SBF1: variants seen among roughly 807,000 people sequenced by gnomAD.
The protein encoded by SBF1 is myotubularin-related protein 5.
Under a neutral mutation model 215.8 loss-of-function variants are expected in SBF1, and 65 were observed. That is an observed-to-expected ratio of 0.30 (90% confidence interval 0.25 to 0.37). SBF1 has a LOEUF of 0.37. Ranked by LOEUF, SBF1 falls within the 10% of genes least tolerant of loss-of-function variation. The pLI is 1.00. For missense variants in SBF1, 2,634 were observed against 2,667.8 expected (o/e 0.99, Z 0.28); for synonymous variants, 1,410 against 1,122.8 (o/e 1.26, Z -5.11).
Position 50,462,622 on chromosome 22 carries a change from C to G in SBF1, c.2064G>C (p.Gly688=). ...TPQFWEAMFY[G]DVQTHIRALY... ...GGGCCCGGATGTGAGTCTGCACATC[C>G]CCATAGAACATGGCCTCCCAGAACT... The change falls in exon 18 of 41, where the codon GGG becomes GGC. Residue 688 remains glycine (G), a synonymous_variant. Coordinates refer to ENST00000380817, the MANE Select transcript of SBF1 (RefSeq NM_002972.4). The G allele has an allele frequency of 6.2e-7, 1 of 1,612,720 alleles. No homozygotes were observed. Among genetic ancestry groups the G allele is most frequent in the Non-Finnish European group, 8.5e-7 (1 of 1,179,768 alleles).
At chr22:50,447,776 C>CCTTT (rs2066891682) in intron 38 of SBF1, among the ~76,000 whole-genome samples, 167 bp from the exon 39 acceptor site, 1 of 152,216 alleles carries the variant, frequency 6.6e-6, no homozygotes, top group African/African-American at 2.4e-5. Context: ...CACAAAGAAG[C>CCTTT]CTTTGATGGG....
In SBF1 at chr22:50,447,094, G is replaced by C. The variant is rs939694907; in HGVS notation, c.*48C>G. Reference sequence around the variant, plus strand: ...GCCGGGGCGGCCCTGCCCACCCCTAGTGGTCGGTAACGACCGGAAGCAGAG... The same window carrying C: ...GCCGGGGCGGCCCTGCCCACCCCTACTGGTCGGTAACGACCGGAAGCAGAG... On this transcript the variant is annotated 3_prime_UTR_variant, in exon 41 of 41. Coordinates refer to ENST00000380817, the MANE Select transcript of SBF1 (RefSeq NM_002972.4). 3 of 1,541,940 alleles carry C rather than the reference G, an allele frequency of 1.9e-6. No individual in the cohort carries two copies. The highest frequency in any genetic ancestry group is 2.7e-5 in the African/African-American group (2 of 73,500).
In SBF1 at chr22:50,466,385, C is replaced by G; in HGVS notation, c.753G>C (p.Arg251Ser). 6.4e-7 allele frequency: 1 copy of G among 1,556,738 alleles called. No individual in the cohort carries two copies. The highest frequency in any genetic ancestry group is 8.7e-7 in the Non-Finnish European group (1 of 1,150,504). ...RSYQRLADAC[R>S]GLLALLFPLR... ...GAGGAAACAGCAGTGCCAGGAGGCCCCTACAGGCATCGGCGAGCCGCTGGT... is the reference window on the plus strand; with the variant it reads ...GAGGAAACAGCAGTGCCAGGAGGCCGCTACAGGCATCGGCGAGCCGCTGGT... The change falls in exon 7 of 41, where the codon AGG becomes AGC. Residue 251 changes from arginine to serine, a missense_variant. Coordinates refer to ENST00000380817, the MANE Select transcript of SBF1 (RefSeq NM_002972.4).
At position 50,460,525 on chromosome 22, in the gene SBF1, G is replaced by A. The variant is rs145856921; in HGVS notation, c.3146+9C>T. ...GCCCAGCTGCCCTGCCTGGGACCCA[G>A]ATCCATACCTGAGGGAAGGACCCTT... On this transcript the variant is annotated intron_variant, in intron 24 of 40. Transcript: ENST00000380817. 2.0e-5 allele frequency: 33 copies of A among 1,613,752 alleles called. No individual in the cohort carries two copies. The highest frequency in any genetic ancestry group is 1.8e-4 in the East Asian group (8 of 44,878).
At position 50,446,619 on chromosome 22, in the gene SBF1, G is replaced by A. The variant is rs557271625; in HGVS notation, c.*523C>T. The A allele has an allele frequency of 2.9e-4, 103 of 350,404 alleles. No homozygotes were observed. In the East Asian group the frequency reaches 7.0e-3, roughly 24 times the overall value. 21.7% of individuals were successfully genotyped at this position (350,404 alleles called of 1,614,324 possible). On this transcript the variant is annotated 3_prime_UTR_variant, in exon 41 of 41. Transcript: ENST00000380817. ...AAGTCCCCAGTGAAGCCTCCTGCTC[G>A]ATCCGCCCCCAGAGCAAAGTCACTC... is the stretch of plus-strand genomic sequence containing the variant.
Position 50,448,521 on chromosome 22 carries a change from GCTCACACTGGCCCTCA to G in SBF1, c.5151+6_5151+21del. 1 of 1,609,686 alleles carries G rather than the reference GCTCACACTGGCCCTCA, an allele frequency of 6.2e-7. No individual in the cohort carries two copies. The highest frequency in any genetic ancestry group is 8.5e-7 in the Non-Finnish European group (1 of 1,177,240). ...TCCCAGCAACACGCCCACCGTGGACGCTCACACTGGCCCTCACTCACACGGCCGTCTGGCCGGCCCT... is the reference window on the plus strand; with the variant it reads ...TCCCAGCAACACGCCCACCGTGGACGCTCACACGGCCGTCTGGCCGGCCCT... On this transcript the variant is annotated splice_donor_region_variant and intron_variant, in intron 37 of 40. Transcript: ENST00000380817.
chr22:50,460,446 G>C, intron 24 of SBF1, 38 bp from the exon 25 acceptor site: 1 of 1,602,264 alleles, frequency 6.2e-7, no homozygotes. Context: ...GAGAGGAGGA[G>C]GGACAAAGAT....
chr22:50,462,648 G>C lies in SBF1; in HGVS notation c.2038C>G (p.Gln680Glu). The change falls in exon 18 of 41, where the codon CAG becomes GAG. Residue 680 changes from glutamine (Q) to glutamate (E), a missense_variant. By Grantham distance (29) the Gln-to-Glu change is conservative. Coordinates refer to ENST00000380817, the MANE Select transcript of SBF1 (RefSeq NM_002972.4). Reference sequence around the variant, plus strand: ...CCATAGAACATGGCCTCCCAGAACTGTGGCGTGCTCCACACCACGTGCTCC... The same window carrying C: ...CCATAGAACATGGCCTCCCAGAACTCTGGCGTGCTCCACACCACGTGCTCC... ...VQEHVVWSTPQFWEAMFYGDV... is the reference protein window; with the variant it reads ...VQEHVVWSTPEFWEAMFYGDV... The C allele has an allele frequency of 6.2e-7, 1 of 1,612,820 alleles. No homozygotes were observed. Among genetic ancestry groups the C allele is most frequent in the Non-Finnish European group, 8.5e-7 (1 of 1,179,762 alleles).
At position 50,466,472 on chromosome 22, in the gene SBF1, G is replaced by T; in HGVS notation, c.666C>A (p.Asn222Lys). 6.5e-7 allele frequency: 1 copy of T among 1,547,628 alleles called. No homozygotes were observed. The highest frequency in any genetic ancestry group is 8.7e-7 in the Non-Finnish European group (1 of 1,143,996). Residue 222 changes from asparagine (N) to lysine (K), a missense_variant, in exon 7 of 41, where the codon AAC becomes AAA. Coordinates refer to ENST00000380817, the MANE Select transcript of SBF1 (RefSeq NM_002972.4). ...GGGCGGCACAGAACAAAGACAGCACGTTGGTGATGCCTAAAGGAAGAAGAG... is the reference window on the plus strand; with the variant it reads ...GGGCGGCACAGAACAAAGACAGCACTTTGGTGATGCCTAAAGGAAGAAGAG... Reference protein sequence around the residue: ...ALLFRQLGITNVLSLFCAALT... With the variant: ...ALLFRQLGITKVLSLFCAALT...
intron 24 of SBF1, 24 bp downstream of exon 24, chr22:50,460,510 C>T (rs775252046): frequency 4.3e-6 from 7 of 1,611,838 alleles, no homozygotes; most frequent in Non-Finnish European, 5.1e-6. Flanking sequence ...GCCCAGCTGC[C>T]CTGCCTGGGA....
intron 1 of SBF1, 107 bp downstream of exon 1, chr22:50,474,679 C>G: frequency 1.0e-6 from 1 of 956,002 alleles, no homozygotes; most frequent in Non-Finnish European, 1.5e-6. Flanking sequence ...GACCCAGCCC[C>G]CAGCCCTCGG....
At chr22:50,451,041 T>C (rs2067024291) in intron 36 of SBF1, among the ~76,000 whole-genome samples, 1 of 151,704 alleles carries the variant, frequency 6.6e-6, no homozygotes, top group Non-Finnish European at 1.5e-5. Context: ...TTAAATTCAT[T>C]AGATGGGGCC....
intron 1 of SBF1, among the ~76,000 whole-genome samples, chr22:50,468,856 GCTCC>G (rs913135586): frequency 1.3e-5 from 2 of 152,036 alleles, no homozygotes; most frequent in African/African-American, 4.8e-5. Flanking sequence ...ATCCCCCAGA[GCTCC>G]CTGTCACCCA....
rs777193831 is a variant in SBF1, at chr22:50,460,152, C to T, written c.3291G>A (p.Glu1097=). ...GGGTCAGCGTGCTGGGCTCCAGCTC[C>T]TCCGACACTGCACAGGCCGGGCACA... ...EDQEDEISVS[E]ELEPSTLTPS... Residue 1097 remains glutamate (E), a synonymous_variant, in exon 26 of 41, where the codon GAG becomes GAA. Transcript: ENST00000380817. The T allele has an allele frequency of 6.2e-7, 1 of 1,611,454 alleles. No homozygotes were observed. Among genetic ancestry groups the T allele is most frequent in the Non-Finnish European group, 8.5e-7 (1 of 1,179,978 alleles).
In SBF1 at chr22:50,461,792, A is replaced by C. The variant is rs747755033; in HGVS notation, c.2643+4T>G. 5.6e-6 allele frequency: 9 copies of C among 1,613,028 alleles called. No individual in the cohort carries two copies. Among genetic ancestry groups the C allele is most frequent in the Non-Finnish European group, 6.8e-6 (8 of 1,179,892 alleles). ...CCCCCGCAGCCCCAACGGCCCCCGC[A>C]AACCTTCTGGATGGGCGGCAGCCTC... On this transcript the variant is annotated splice_donor_region_variant and intron_variant, in intron 21 of 40. Transcript: ENST00000380817.
chr22:50,455,807 C>G, intron 31 of SBF1: 1 of 592,966 alleles, frequency 1.7e-6, no homozygotes, highest in Non-Finnish European at 3.0e-6. Flanking sequence ...TCCAAGCCCT[C>G]TAGGACTGAG....
At chr22:50,466,965 A>G (rs777359827) in intron 5 of SBF1, 3 of 556,044 alleles carry the variant, frequency 5.4e-6, no homozygotes, top group African/African-American at 3.8e-5. Flanking sequence ...CGGAAGAAAC[A>G]AAGAATCCAT....
intron 26 of SBF1, 97 bp downstream of exon 26, chr22:50,459,855 C>G: frequency 6.8e-7 from 1 of 1,467,728 alleles, no homozygotes; most frequent in South Asian, 1.2e-5. Flanking sequence ...CCTCCACATT[C>G]CTTACATGAC....
chr22:50,470,604 C>A (rs1359325723), intron 1 of SBF1, among the ~76,000 whole-genome samples: 1 of 152,174 alleles, frequency 6.6e-6, no homozygotes, highest in Non-Finnish European at 1.5e-5. Context: ...CTGGGAAACT[C>A]TGCCCCAGCC....
Sources: allele counts gnomAD v4.1 joint callset (sites outside exome capture counted in the v4.1 genomes callset), GRCh38; gene constraint gnomAD v4.1.1; transcripts MANE v1.5; gene names NCBI Gene and HGNC (gene_info 2026-07-23, HGNC 2026-07-21).